MCM8: variants seen among roughly 807,000 people sequenced by gnomAD.
MCM8 encodes the protein DNA helicase MCM8.
In MCM8, 85 loss-of-function variants were observed where a neutral mutation model predicts 98.9. That is an observed-to-expected ratio of 0.86 (90% confidence interval 0.72 to 1.03). MCM8 has a LOEUF of 1.03. MCM8 is among the 50% of genes least tolerant of loss of function. The pLI is 0.00. For synonymous variants in MCM8, 352 were observed against 338.6 expected (o/e 1.04, Z -0.44); for missense variants, 951 against 997.8 (o/e 0.95, Z 0.63).
chr20:5,996,591 CATAA>C lies in MCM8; in HGVS notation c.*2205_*2208del, dbSNP rs1395199719. On this transcript the variant is annotated 3_prime_UTR_variant, in exon 19 of 19. Transcript: ENST00000610722. ...TTAAAACATTTCACAAAAGTCAACA[CATAA>C]ATAATATCAACCAAAATAAAGTGGT... The C allele has an allele frequency of 6.6e-6, 1 of 152,034 alleles. No homozygotes were observed. The highest frequency in any genetic ancestry group is 6.6e-5 in the Admixed American group (1 of 15,258). The allele number at this position is 152,034 out of a possible 1,614,324, so 9.4% of individuals were successfully genotyped here.
chr20:5,972,695 C>T, intron 11 of MCM8: 2 of 1,218,926 alleles, frequency 1.6e-6, no homozygotes, highest in Non-Finnish European at 2.2e-6. Context: ...GCTGGGACTA[C>T]AGGCATGCGC....
rs11422423 is a variant in MCM8, at chr20:5,994,734, T to TAAAA, written c.*358_*361dup. On this transcript the variant is annotated 3_prime_UTR_variant, in exon 19 of 19. Coordinates refer to ENST00000610722, the MANE Select transcript of MCM8 (RefSeq NM_032485.6). ...GGCAACATAGCAAGACCCCATTTCT[T>TAAAA]AAAAAAAAAAAAAAAAAATTTAAAC... 7.6e-5 allele frequency: 31 copies of TAAAA among 408,970 alleles called. No individual in the cohort carries two copies. Among genetic ancestry groups the TAAAA allele is most frequent in the Non-Finnish European group, 9.6e-5 (20 of 207,974 alleles). The allele number at this position is 408,970 out of a possible 1,614,324, so 25.3% of individuals were successfully genotyped here.
At chr20:5,985,502 G>T (rs1344822207) in intron 15 of MCM8, among the ~76,000 whole-genome samples, 1 of 151,332 alleles carries the variant, frequency 6.6e-6, no homozygotes, top group Admixed American at 6.6e-5. Flanking sequence ...TAAAGTGTTT[G>T]GTTGATTTGG....
In MCM8 at chr20:5,997,639, G is replaced by C. The variant is rs2089975954; in HGVS notation, c.*3248G>C. 1.3e-5 allele frequency: 2 copies of C among 152,252 alleles called. No homozygotes were observed. Among genetic ancestry groups the C allele is most frequent in the African/African-American group, 4.8e-5 (2 of 41,382 alleles). The allele number at this position is 152,252 out of a possible 1,614,324, so 9.4% of individuals were successfully genotyped here. On this transcript the variant is annotated 3_prime_UTR_variant, in exon 19 of 19. Coordinates refer to ENST00000610722, the MANE Select transcript of MCM8 (RefSeq NM_032485.6). ...TGCGAGATGAAATTTTAAGAGATGG[G>C]GGTCTTGTTCTGTCGCCCAGGCTGG...
At position 5,978,207 on chromosome 20, in the gene MCM8, G is replaced by T. The variant is rs150598575; in HGVS notation, c.1537+190G>T. ...ATTTTTATACTACAGAATTGGAACT[G>T]TACTTAATGTCATTCATTTTCAGAA... On this transcript the variant is annotated intron_variant, in intron 13 of 18. Coordinates refer to ENST00000610722, the MANE Select transcript of MCM8 (RefSeq NM_032485.6). Among the ~76,000 whole-genome samples, 288 of 152,314 alleles carry T rather than the reference G, an allele frequency of 1.9e-3. 2 individuals carry two copies. The highest frequency in any genetic ancestry group is 6.8e-3 in the African/African-American group (282 of 41,580).
intron 16 of MCM8, 57 bp from the exon 17 acceptor site, chr20:5,987,225 A>G (rs368288439): frequency 6.6e-7 from 1 of 1,516,150 alleles, no homozygotes; most frequent in Non-Finnish European, 9.1e-7. Flanking sequence ...AAGCTTAGAC[A>G]TACTATGGTA....
chr20:5,976,825 C>T (rs532667782), intron 12 of MCM8, among the ~76,000 whole-genome samples: 2 of 152,194 alleles, frequency 1.3e-5, no homozygotes, highest in Non-Finnish European at 2.9e-5. Flanking sequence ...GAGAGAGTCA[C>T]TCGGGTTAAA....
intron 11 of MCM8, 114 bp downstream of exon 11, chr20:5,972,151 A>G (rs2089417856): frequency 4.6e-6 from 3 of 652,294 alleles, no homozygotes; most frequent in Admixed American, 2.9e-5. Flanking sequence ...ATATCTTAAT[A>G]TGCTTTGTAA....
Position 5,952,543 on chromosome 20 carries a change from G to A in MCM8, c.253+15G>A. ...TTTCTCTGAAGGTAGGGTTTAAAAA[G>A]TACAAAAAAGCACCATAAATCATAT... On this transcript the variant is annotated intron_variant, in intron 3 of 18. Coordinates refer to ENST00000610722, the MANE Select transcript of MCM8 (RefSeq NM_032485.6). 6.3e-7 allele frequency: 1 copy of A among 1,592,712 alleles called. No individual in the cohort carries two copies. The highest frequency in any genetic ancestry group is 1.7e-5 in the Admixed American group (1 of 58,734).
chr20:5,987,403 C>G (rs1162623429), intron 17 of MCM8, 45 bp downstream of exon 17: 1 of 1,507,160 alleles, frequency 6.6e-7, no homozygotes, highest in Admixed American at 1.8e-5. Context: ...TACCAGTTAT[C>G]TTCCCATCTC....
chr20:5,959,812 C>T (rs1392512304), intron 7 of MCM8, among the ~76,000 whole-genome samples: 5 of 151,382 alleles, frequency 3.3e-5, no homozygotes, highest in African/African-American at 1.2e-4. Context: ...AGTTCTCCTG[C>T]CTCAGCCTCT....
intron 10 of MCM8, among the ~76,000 whole-genome samples, chr20:5,971,050 G>A (rs2089391173): frequency 6.6e-6 from 1 of 152,070 alleles, no homozygotes; most frequent in African/African-American, 2.4e-5. Context: ...TTGGGCTGAA[G>A]CAGTTCTTCC....
chr20:5,968,788 C>T (rs909136542), intron 10 of MCM8, among the ~76,000 whole-genome samples: 5 of 152,172 alleles, frequency 3.3e-5, no homozygotes, highest in African/African-American at 9.7e-5. Context: ...TGTCACTCAA[C>T]GGAAGAGTGA....
In MCM8 at chr20:5,998,035, T is replaced by C. The variant is rs2089980373; in HGVS notation, c.*3644T>C. 6.6e-6 allele frequency: 1 copy of C among 152,250 alleles called. No individual in the cohort carries two copies. The highest frequency in any genetic ancestry group is 2.4e-5 in the African/African-American group (1 of 41,466). 9.4% of individuals were successfully genotyped at this position (152,250 alleles called of 1,614,324 possible). On this transcript the variant is annotated 3_prime_UTR_variant, in exon 19 of 19. Transcript: ENST00000610722. ...TTGATGGATCTTTATAGCTCTCCTT[T>C]GATAAAGAAGGGAAATATCGTACTT...
chr20:5,964,667 G>T lies in MCM8; in HGVS notation c.875+1308G>T, dbSNP rs2089235777. 2.0e-5 allele frequency: 3 copies of T among 152,188 alleles called. No individual in the cohort carries two copies. The South Asian group carries it at 6.2e-4, about 31-fold the overall frequency. 9.4% of individuals were successfully genotyped at this position (152,188 alleles called of 1,614,324 possible). ...TCATCTTAAAAAAGTGGGTGTGGGG[G>T]GTGAATTGATTGTGAAGTGGTGAGT... On this transcript the variant is annotated intron_variant, in intron 8 of 18. Coordinates refer to ENST00000610722, the MANE Select transcript of MCM8 (RefSeq NM_032485.6).
rs774191176 is a variant in MCM8 at position 5,955,948 on chromosome 20, TAGTAGA to T, written c.486+698_486+703del. ...CATGCCCAGCTAAGTTTTGGAGTTT[TAGTAGA>T]GACGGGGTTTCACGATGTTGGCCAG... On this transcript the variant is annotated intron_variant, in intron 5 of 18. Coordinates refer to ENST00000610722, the MANE Select transcript of MCM8 (RefSeq NM_032485.6). 1.3e-3 allele frequency among the ~76,000 whole-genome samples: 198 copies of T among 152,240 alleles called. 1 individual carries two copies. Among genetic ancestry groups the T allele is most frequent in the Non-Finnish European group, 2.5e-3 (167 of 68,002 alleles).
rs775315029 is a variant in MCM8 at position 5,967,856 on chromosome 20, A to G, written c.1054A>G (p.Met352Val). The stretch of plus-strand genomic sequence containing the variant: ...TTCTCGAAATAAGAATGACAAGTGT[A>G]TGTTCCTTTTGTATATTGAAGCAAA... Reference protein sequence around the residue: ...EGSRNKNDKCMFLLYIEANSI... With the variant: ...EGSRNKNDKCVFLLYIEANSI... Residue 352 changes from methionine (M) to valine (V), a missense_variant, in exon 10 of 19, where the codon ATG (methionine) becomes GTG (valine). By Grantham distance (21) the Met-to-Val change is conservative (BLOSUM62 1). Coordinates refer to ENST00000610722, the MANE Select transcript of MCM8 (RefSeq NM_032485.6). The G allele has an allele frequency of 6.2e-7, 1 of 1,611,372 alleles. No homozygotes were observed. Among genetic ancestry groups the G allele is most frequent in the Admixed American group, 1.7e-5 (1 of 59,572 alleles).
At chr20:5,972,072 T>C in intron 11 of MCM8, 35 bp downstream of exon 11, 1 of 1,551,762 alleles carries the variant, frequency 6.4e-7, no homozygotes, top group Non-Finnish European at 8.8e-7. Flanking sequence ...TCAAAAAGTA[T>C]ATAAGGTTAG....
intron 10 of MCM8, among the ~76,000 whole-genome samples, chr20:5,969,786 G>A (rs55965616): frequency 0.026 from 3,989 of 152,204 alleles, 75 homozygotes; most frequent in Non-Finnish European, 0.042. Flanking sequence ...GACCCACCCT[G>A]GAAGAGAGGC....
Sources: allele counts gnomAD v4.1 joint callset (sites outside exome capture counted in the v4.1 genomes callset), GRCh38; gene constraint gnomAD v4.1.1; transcripts MANE v1.5; gene names NCBI Gene and HGNC (gene_info 2026-07-23, HGNC 2026-07-21).